Variants in THG1L observed in about 807,000 individuals in gnomAD.
THG1L encodes tRNA-histidine guanylyltransferase 1 like.
THG1L carries 27 observed loss-of-function variants against 35.2 expected under a neutral mutation model. The observed-to-expected ratio is 0.77, with a 90% CI of 0.57 to 1.06. The LOEUF (loss-of-function observed/expected upper bound fraction) is 1.06. THG1L is among the 50% of genes least tolerant of loss of function. The probability of loss-of-function intolerance (pLI) is 0.00; values close to 1 mark genes in which losing one functional copy is unlikely to be tolerated. For missense variants in THG1L, 377 were observed against 371.8 expected (o/e 1.01, Z -0.12); for synonymous variants, 135 against 132.4 (o/e 1.02, Z -0.14).
Position 157,740,749 on chromosome 5 carries a change from A to T in THG1L, c.*1267A>T, listed in dbSNP as rs1055993592. ...AAACCCCCGTCTCTACTAAAAATAC[A>T]AAAAATTAGCTGGGCATGGTGGTGC... is the stretch of plus-strand genomic sequence containing the variant. On this transcript the variant is annotated 3_prime_UTR_variant, in exon 6 of 6. Coordinates refer to ENST00000231198, the MANE Select transcript of THG1L (RefSeq NM_017872.5). 1 of 152,170 alleles carries T rather than the reference A, an allele frequency of 6.6e-6. No individual in the cohort carries two copies. Among genetic ancestry groups the T allele is most frequent in the African/African-American group, 2.4e-5 (1 of 41,430 alleles). 9.4% of individuals were successfully genotyped at this position (152,170 alleles called of 1,614,324 possible).
In THG1L at chr5:157,734,574, A is replaced by T; in HGVS notation, c.369-2A>T. 6.2e-7 allele frequency: 1 copy of T among 1,613,902 alleles called. No homozygotes were observed. Among genetic ancestry groups the T allele is most frequent in the Non-Finnish European group, 8.5e-7 (1 of 1,179,884 alleles). On this transcript the variant is annotated splice_acceptor_variant, in intron 2 of 5. Transcript: ENST00000231198. LOFTEE classifies it high-confidence loss of function. ...CCACCCAATGTGCGTTACATTTTCA[A>T]GTAAGTTCATGACTCACGTGGCCTC...
rs1760982297 is a variant in THG1L, at chr5:157,739,588, T to A, written c.*106T>A. ...GCATCCCTACCACCCAGGACACTGG[T>A]GCGAATGACACAACTCAAGTTGGGA... On this transcript the variant is annotated 3_prime_UTR_variant, in exon 6 of 6. Coordinates refer to ENST00000231198, the MANE Select transcript of THG1L (RefSeq NM_017872.5). 4 of 1,358,798 alleles carry A rather than the reference T, an allele frequency of 2.9e-6. No homozygotes were observed. Among genetic ancestry groups the A allele is most frequent in the Non-Finnish European group, 4.0e-6 (4 of 1,006,080 alleles). The allele number at this position is 1,358,798 out of a possible 1,614,324, so 84.2% of individuals were successfully genotyped here.
chr5:157,731,722 C>G (rs748117793), intron 1 of THG1L, 91 bp downstream of exon 1: 1 of 1,469,950 alleles, frequency 6.8e-7, no homozygotes, highest in Non-Finnish European at 9.2e-7. Context: ...CCGCTCCAGT[C>G]ACGGTTACCA....
rs369630234 is a variant in THG1L at position 157,735,938 on chromosome 5, T to C, written c.627+4T>C. 3 of 1,578,450 alleles carry C rather than the reference T, an allele frequency of 1.9e-6. No individual in the cohort carries two copies. The highest frequency in any genetic ancestry group is 2.7e-5 in the African/African-American group (2 of 73,348). On this transcript the variant is annotated splice_donor_region_variant and intron_variant, in intron 4 of 5. Transcript: ENST00000231198. ...ACAAGCCCAAGGGAGATTACAGGTA[T>C]AAAGATCTTACTACATTAATACTTA...
chr5:157,739,569 C>T lies in THG1L; in HGVS notation c.*87C>T. The stretch of plus-strand genomic sequence containing the variant: ...CTTGCCTTAGGTGGCTGTAGCATCC[C>T]TACCACCCAGGACACTGGTGCGAAT... On this transcript the variant is annotated 3_prime_UTR_variant, in exon 6 of 6. Coordinates refer to ENST00000231198, the MANE Select transcript of THG1L (RefSeq NM_017872.5). The T allele has an allele frequency of 6.7e-7, 1 of 1,483,202 alleles. No homozygotes were observed. The highest frequency in any genetic ancestry group is 9.1e-7 in the Non-Finnish European group (1 of 1,103,424). 91.9% of individuals were successfully genotyped at this position (1,483,202 alleles called of 1,614,324 possible). A position where few individuals can be genotyped will look rare whatever the true frequency, so the allele number is the denominator to read the frequency against.
At chr5:157,732,243 A>AAAG (rs1760747334) in intron 1 of THG1L, among the ~76,000 whole-genome samples, 10 of 90,480 alleles carry the variant, frequency 1.1e-4, no homozygotes, top group East Asian at 3.6e-4. Context: ...AAAAAAAAAA[A>AAAG]AGAGAGAGAG....
At chr5:157,738,805 T>A (rs1367846239) in intron 5 of THG1L, 1 of 273,122 alleles carries the variant, frequency 3.7e-6, no homozygotes, top group Admixed American at 5.6e-5. Context: ...TTCCTAAGAT[T>A]GCTTCAGAAT....
chr5:157,734,440 CA>C, intron 2 of THG1L, 135 bp from the exon 3 acceptor site: 1 of 1,013,750 alleles, frequency 9.9e-7, no homozygotes, highest in Non-Finnish European at 1.5e-6. Context: ...GTTTCTTAGC[CA>C]AATGCATTTT....
chr5:157,735,835 TCTC>T lies in THG1L; in HGVS notation c.539-7_539-5del, dbSNP rs376892496. 1.3e-5 allele frequency: 20 copies of T among 1,559,188 alleles called. No individual in the cohort carries two copies. The Admixed American group carries it at 1.3e-4, about 10-fold the overall frequency. On this transcript the variant is annotated splice_region_variant and splice_polypyrimidine_tract_variant and intron_variant, in intron 3 of 5. Coordinates refer to ENST00000231198, the MANE Select transcript of THG1L (RefSeq NM_017872.5). ...ATGTATATAAACATTACTATTTTGTTCTCCTCACAGGTCACATCAATAATCTTT... is the reference window on the plus strand; with the variant it reads ...ATGTATATAAACATTACTATTTTGTTCTCACAGGTCACATCAATAATCTTT...
intron 1 of THG1L, 56 bp from the exon 2 acceptor site, chr5:157,732,812 C>G: frequency 6.3e-7 from 1 of 1,593,036 alleles, no homozygotes. Flanking sequence ...AGCAACAGAG[C>G]GTGTTGTTAA....
rs1198605629 is a variant in THG1L, at chr5:157,741,097, T to G, written c.*1615T>G. The G allele has an allele frequency of 1.3e-5, 2 of 151,910 alleles. No homozygotes were observed. Among genetic ancestry groups the G allele is most frequent in the Non-Finnish European group, 1.5e-5 (1 of 68,072 alleles). The allele number at this position is 151,910 out of a possible 1,614,324, so 9.4% of individuals were successfully genotyped here. A position where few individuals can be genotyped will look rare whatever the true frequency, so the allele number is the denominator to read the frequency against. ...GGCGTGTGCCTGCAATACCAGCTAC[T>G]CAGAAGGCTGAAGCAGGATAATTGC... On this transcript the variant is annotated 3_prime_UTR_variant, in exon 6 of 6. Transcript: ENST00000231198.
Position 157,737,979 on chromosome 5 carries a change from G to A in THG1L, c.720G>A (p.Val240=), listed in dbSNP as rs1233660697. Residue 240 remains valine (V), a synonymous_variant, in exon 5 of 6, where the codon GTG becomes GTA. Coordinates refer to ENST00000231198, the MANE Select transcript of THG1L (RefSeq NM_017872.5). ...NELPMYRKGT[V]LIWQKVDEVM... ...TGCCGATGTATAGGAAAGGGACTGTGTTGATATGGCAGAAGGTAATGCTGT... is the reference window on the plus strand; with the variant it reads ...TGCCGATGTATAGGAAAGGGACTGTATTGATATGGCAGAAGGTAATGCTGT... 1.2e-6 allele frequency: 2 copies of A among 1,611,646 alleles called. No individual in the cohort carries two copies. The highest frequency in any genetic ancestry group is 8.5e-7 in the Non-Finnish European group (1 of 1,178,588).
In THG1L at chr5:157,734,630, G is replaced by A. The variant is rs1760820927; in HGVS notation, c.423G>A (p.Trp141Ter). 1 of 1,613,928 alleles carries A rather than the reference G, an allele frequency of 6.2e-7. No individual in the cohort carries two copies. The highest frequency in any genetic ancestry group is 8.5e-7 in the Non-Finnish European group (1 of 1,180,026). Residue 141 changes from tryptophan to a stop codon, truncating the protein, a stop_gained, in exon 3 of 6, where the codon TGG becomes TGA. Transcript: ENST00000231198. LOFTEE classifies it high-confidence loss of function. Reference sequence around the variant, plus strand: ...TTGCCTCCAGCTATGTGTTTTATTGGCGGGATTACTTTGAGGACCAGCCCC... The same window carrying A: ...TTGCCTCCAGCTATGTGTTTTATTGACGGGATTACTTTGAGGACCAGCCCC... ...SQFASSYVFYWRDYFEDQPLL... is the reference protein window; with the variant it reads ...SQFASSYVFY
chr5:157,736,823 C>T (rs144123771), intron 4 of THG1L, among the ~76,000 whole-genome samples: 1,637 of 152,230 alleles, frequency 0.011, 23 homozygotes, highest in Non-Finnish European at 0.016. Context: ...GCATGATGCA[C>T]GTAAAACACA....
In THG1L at chr5:157,740,902, CAAAA is replaced by C. The variant is rs376120882; in HGVS notation, c.*1433_*1436del. The C allele has an allele frequency of 1.5e-4, 17 of 116,598 alleles. No homozygotes were observed. The highest frequency in any genetic ancestry group is 2.7e-4 in the Admixed American group (3 of 10,930). 7.2% of individuals were successfully genotyped at this position (116,598 alleles called of 1,614,324 possible). ...CTGGGCAACGAGCGAAACTACATCT[CAAAA>C]AAAAAAAAAAAAGACATGGCTGGGC... On this transcript the variant is annotated 3_prime_UTR_variant, in exon 6 of 6. Coordinates refer to ENST00000231198, the MANE Select transcript of THG1L (RefSeq NM_017872.5).
Position 157,731,439 on chromosome 5 carries a change from G to T in THG1L, c.-2G>T. The stretch of plus-strand genomic sequence containing the variant: ...TCTGGCCCTTTCCTTTCCGCGTGTA[G>T]AATGTGGGGCGCCTGTAAAGTTAAG... On this transcript the variant is annotated 5_prime_UTR_variant, in exon 1 of 6. Coordinates refer to ENST00000231198, the MANE Select transcript of THG1L (RefSeq NM_017872.5). 6.3e-7 allele frequency: 1 copy of T among 1,588,636 alleles called. No homozygotes were observed. Among genetic ancestry groups the T allele is most frequent in the Non-Finnish European group, 8.6e-7 (1 of 1,165,962 alleles).
At chr5:157,734,774 T>A in intron 3 of THG1L, 29 bp downstream of exon 3, 6 of 1,613,182 alleles carry the variant, frequency 3.7e-6, no homozygotes, top group African/African-American at 1.3e-5. Context: ...ACACATGTAG[T>A]TAAACCACCA....
chr5:157,733,042 C>T lies in THG1L; in HGVS notation c.366C>T (p.Ala122=). Residue 122 remains alanine (A), a splice_region_variant and synonymous_variant, in exon 2 of 6, where the codon GCC becomes GCT. Coordinates refer to ENST00000231198, the MANE Select transcript of THG1L (RefSeq NM_017872.5). The part of the protein sequence containing the change: ...KRKTNWFKRR[A]SKFMTHVASQ... Reference sequence around the variant, plus strand: ...AAACCAATTGGTTTAAAAGAAGAGCCAGGTAATTCCATGACCTAACTCCTT... The same window carrying T: ...AAACCAATTGGTTTAAAAGAAGAGCTAGGTAATTCCATGACCTAACTCCTT... The T allele has an allele frequency of 6.2e-7, 1 of 1,613,742 alleles. No homozygotes were observed. Among genetic ancestry groups the T allele is most frequent in the Non-Finnish European group, 8.5e-7 (1 of 1,179,680 alleles).
At chr5:157,737,733 C>G (rs919161785) in intron 4 of THG1L, among the ~76,000 whole-genome samples, 154 bp from the exon 5 acceptor site, 1 of 151,956 alleles carries the variant, frequency 6.6e-6, no homozygotes, top group Non-Finnish European at 1.5e-5. Flanking sequence ...TCATAATTGC[C>G]CTTAAGATGA....
Sources: gnomAD v4.1 joint callset for allele counts (sites outside exome capture counted in the v4.1 genomes callset) on GRCh38, gnomAD v4.1.1 for gene constraint, MANE v1.5 for transcripts, NCBI Gene and HGNC (gene_info 2026-07-23, HGNC 2026-07-21) for gene names.